The following RORA variants were observed in gnomAD, a reference collection of about 807,000 sequenced individuals.
The protein encoded by RORA is nuclear receptor ROR-alpha.
In RORA, 7 loss-of-function variants were observed where a neutral mutation model predicts 69.5. That is an observed-to-expected ratio of 0.10 (90% CI 0.06 to 0.19). RORA has a LOEUF of 0.19. Ranked by LOEUF, RORA falls within the 10% of genes least tolerant of loss-of-function variation. The pLI is 1.00. For missense variants in RORA, 457 were observed against 663.0 expected (o/e 0.69, Z 3.41); for synonymous variants, 261 against 240.8 (o/e 1.08, Z -0.78).
At chr15:60,975,536 C>G (rs1445477337) in intron 1 of RORA, among the ~76,000 whole-genome samples, 2 of 152,102 alleles carry the variant, frequency 1.3e-5, no homozygotes, top group African/African-American at 4.8e-5. Flanking sequence ...CTGGAGAACA[C>G]TGAAATGAAC....
intron 1 of RORA, among the ~76,000 whole-genome samples, chr15:60,703,631 G>T (rs1187327052): frequency 6.6e-6 from 1 of 152,162 alleles, no homozygotes; most frequent in African/African-American, 2.4e-5. Flanking sequence ...CTTCTTAATA[G>T]CGATTAAGTT....
At chr15:61,158,634 C>T (rs1323900639) in intron 1 of RORA, among the ~76,000 whole-genome samples, 2 of 152,148 alleles carry the variant, frequency 1.3e-5, no homozygotes, top group Non-Finnish European at 1.5e-5. Context: ...TCCGCTCCCC[C>T]GAGGTAAGTA....
intron 1 of RORA, among the ~76,000 whole-genome samples, chr15:61,053,656 G>C (rs2078045595): frequency 6.6e-6 from 1 of 151,750 alleles, no homozygotes; most frequent in South Asian, 2.1e-4. Flanking sequence ...AACAAAGCCT[G>C]GGTATGCGGT....
At chr15:61,148,538 C>A (rs1219639957) in intron 1 of RORA, among the ~76,000 whole-genome samples, 1 of 152,112 alleles carries the variant, frequency 6.6e-6, no homozygotes, top group Non-Finnish European at 1.5e-5. Context: ...TAGATCCACT[C>A]CTATCAAGTA....
chr15:61,199,036 T>C (rs530685644), intron 1 of RORA, among the ~76,000 whole-genome samples: 14 of 152,198 alleles, frequency 9.2e-5, no homozygotes, highest in African/African-American at 1.7e-4. Context: ...TCTTCCCATC[T>C]CAATTCTAAA....
At chr15:61,116,923 T>C (rs2079056370) in intron 1 of RORA, among the ~76,000 whole-genome samples, 1 of 152,154 alleles carries the variant, frequency 6.6e-6, no homozygotes, top group East Asian at 1.9e-4. Flanking sequence ...CCTATCTGGT[T>C]TACGCTCACT....
Position 61,084,628 on chromosome 15 carries a change from T to G in RORA, c.166+144425A>C, listed in dbSNP as rs569580552. Among the ~76,000 whole-genome samples, 11 of 152,300 alleles carry G rather than the reference T, an allele frequency of 7.2e-5. No homozygotes were observed. In the South Asian group the frequency reaches 2.1e-3, roughly 29 times the overall value. On this transcript the variant is annotated intron_variant, in intron 1 of 10. Coordinates refer to ENST00000335670, the MANE Select transcript of RORA (RefSeq NM_134261.3). The stretch of plus-strand genomic sequence containing the variant: ...AGTTTGAGTTCTCTTGGCAGAATCT[T>G]CAAGTGTTCTCAGTAACAGATGCCT...
At chr15:60,592,485 C>CGCG in intron 2 of RORA, 1 of 1,341,710 alleles carries the variant, frequency 7.5e-7, no homozygotes, top group South Asian at 1.9e-5. Flanking sequence ...CTGCCGCCGC[C>CGCG]GCGCCGCCGC....
chr15:60,488,543 C>T lies in RORA; in HGVS notation c.*8912G>A, dbSNP rs2064989213. ...ATTCAGGACTCAATAAAATAAACAG[C>T]TGGAAATAAGCAGACTAGTGTAAGA... On this transcript the variant is annotated 3_prime_UTR_variant, in exon 11 of 11. Transcript: ENST00000335670. The T allele has an allele frequency of 6.6e-6, 1 of 151,742 alleles. No homozygotes were observed. The highest frequency in any genetic ancestry group is 6.6e-5 in the Admixed American group (1 of 15,236). 9.4% of individuals were successfully genotyped at this position (151,742 alleles called of 1,614,324 possible).
chr15:60,781,757 C>A (rs2072261532), intron 1 of RORA, among the ~76,000 whole-genome samples: 1 of 152,216 alleles, frequency 6.6e-6, no homozygotes, highest in African/African-American at 2.4e-5. Context: ...AAAACAGACT[C>A]TGACATCCTC....
chr15:60,965,966 C>T (rs1021510485), intron 1 of RORA, among the ~76,000 whole-genome samples: 2 of 152,118 alleles, frequency 1.3e-5, no homozygotes, highest in Non-Finnish European at 2.9e-5. Context: ...AACCAAGTAA[C>T]CATAACAAAG....
chr15:60,927,964 C>A (rs1223587034), intron 1 of RORA, among the ~76,000 whole-genome samples: 1 of 152,130 alleles, frequency 6.6e-6, no homozygotes, highest in Non-Finnish European at 1.5e-5. Context: ...CCTGTTTTCT[C>A]CTCACCTTCC....
chr15:60,782,796 G>A (rs2140340206), intron 1 of RORA, among the ~76,000 whole-genome samples: 1 of 152,290 alleles, frequency 6.6e-6, no homozygotes, highest in South Asian at 2.1e-4. Context: ...ACTTTGAAAA[G>A]GTAACATTTC....
chr15:60,636,524 C>T (rs1032630342), intron 2 of RORA, among the ~76,000 whole-genome samples: 6 of 152,144 alleles, frequency 3.9e-5, no homozygotes. Context: ...CCACTCTTGG[C>T]TTAGAAGTAT....
chr15:60,901,467 C>T (rs891592871), intron 1 of RORA, among the ~76,000 whole-genome samples: 6 of 152,176 alleles, frequency 3.9e-5, no homozygotes, highest in Non-Finnish European at 7.3e-5. Context: ...CCACCACGCC[C>T]GGCGATTCAT....
Position 61,009,640 on chromosome 15 carries a change from AC to A in RORA, c.166+219412del, listed in dbSNP as rs372064878. Among the ~76,000 whole-genome samples the A allele has an allele frequency of 3.5e-4, 54 of 152,338 alleles. 1 individual carries two copies. In the South Asian group the frequency reaches 0.01, roughly 29 times the overall value. On this transcript the variant is annotated intron_variant, in intron 1 of 10. Coordinates refer to ENST00000335670, the MANE Select transcript of RORA (RefSeq NM_134261.3). Reference sequence around the variant, plus strand: ...TCTGATTTGTCTTGACTACGCTTAGACCTCACAAATCTTGAACTACAATCCA... The same window carrying A: ...TCTGATTTGTCTTGACTACGCTTAGACTCACAAATCTTGAACTACAATCCA...
At chr15:60,687,833 C>T (rs2070770144) in intron 1 of RORA, among the ~76,000 whole-genome samples, 1 of 152,194 alleles carries the variant, frequency 6.6e-6, no homozygotes. Flanking sequence ...ATTAGATGTA[C>T]AAGCTATGTT....
At chr15:60,565,601 T>A (rs2140435794) in intron 2 of RORA, among the ~76,000 whole-genome samples, 1 of 152,346 alleles carries the variant, frequency 6.6e-6, no homozygotes, top group East Asian at 1.9e-4. Flanking sequence ...AAAGTTAGTT[T>A]TTAATGGAAT....
intron 1 of RORA, among the ~76,000 whole-genome samples, chr15:60,968,750 A>G (rs1272941807): frequency 1.3e-5 from 2 of 151,200 alleles, no homozygotes; most frequent in East Asian, 3.9e-4. Context: ...GTATTTTCTT[A>G]CAAATAAGAA....
Sources: allele counts gnomAD v4.1 joint callset (sites outside exome capture counted in the v4.1 genomes callset), GRCh38; gene constraint gnomAD v4.1.1; transcripts MANE v1.5; gene names NCBI Gene and HGNC (gene_info 2026-07-23, HGNC 2026-07-21).